Variants in ABHD18 observed in about 807,000 individuals in gnomAD.
ABHD18 encodes the protein cardiolipin-specific deacylase, mitochondrial.
A neutral mutation model predicts 65.9 loss-of-function variants in ABHD18; 55 were observed. The ratio of observed to expected loss-of-function variants is 0.84; its 90% confidence interval spans 0.67 to 1.05. The LOEUF (loss-of-function observed/expected upper bound fraction) is 1.05. Among genes scored for constraint, ABHD18 ranks in the 50% least tolerant of loss-of-function variants. The probability of loss-of-function intolerance (pLI) is 0.00; values close to 1 mark genes in which losing one functional copy is unlikely to be tolerated. For missense variants in ABHD18, 533 were observed against 558.5 expected (o/e 0.95, Z 0.46); for synonymous variants, 181 against 180.2 (o/e 1.00, Z -0.04).
In ABHD18 at chr4:127,965,502, T is replaced by G. The variant is rs1210766266; in HGVS notation, c.-122T>G. On this transcript the variant is annotated 5_prime_UTR_variant, in exon 1 of 13. Transcript: ENST00000645843. ...CGGTTCCTGGAAAGGTTACCGGAGC[T>G]GCGATTGGGGCTGGGACCAAAGTTG... 2 of 369,104 alleles carry G rather than the reference T, an allele frequency of 5.4e-6. No homozygotes were observed. The highest frequency in any genetic ancestry group is 4.0e-5 in the Admixed American group (1 of 24,838). 22.9% of individuals were successfully genotyped at this position (369,104 alleles called of 1,614,324 possible). A position where few individuals can be genotyped will look rare whatever the true frequency, so the allele number is the denominator to read the frequency against.
At chr4:127,970,361 G>A (rs905538512) in intron 1 of ABHD18, among the ~76,000 whole-genome samples, 10 of 151,996 alleles carry the variant, frequency 6.6e-5, no homozygotes, top group South Asian at 4.1e-4. Context: ...GGGAGGCCAA[G>A]ATGGGCAGAT....
At chr4:127,981,046 G>A (rs1560831561) in intron 1 of ABHD18, among the ~76,000 whole-genome samples, 1 of 152,026 alleles carries the variant, frequency 6.6e-6, no homozygotes, top group Non-Finnish European at 1.5e-5. Context: ...TTGGAACATA[G>A]TAATGGGTAG....
At chr4:127,988,216 G>A (rs1750322190) in intron 3 of ABHD18, among the ~76,000 whole-genome samples, 1 of 152,050 alleles carries the variant, frequency 6.6e-6, no homozygotes, top group East Asian at 1.9e-4. Context: ...AAAAATTTTT[G>A]GTTTTTTTGT....
At chr4:128,023,826 G>A (rs1310742761) in intron 10 of ABHD18, among the ~76,000 whole-genome samples, 1 of 152,222 alleles carries the variant, frequency 6.6e-6, no homozygotes, top group East Asian at 1.9e-4. Context: ...AGAGCTTGCA[G>A]TAAGCCAAGA....
chr4:128,017,669 T>A (rs1277402410), intron 8 of ABHD18, among the ~76,000 whole-genome samples, 168 bp downstream of exon 8: 1 of 152,182 alleles, frequency 6.6e-6, no homozygotes, highest in African/African-American at 2.4e-5. Context: ...TGATGTTAAT[T>A]TTTTGTACGA....
At chr4:127,969,751 T>A (rs970391926) in intron 1 of ABHD18, among the ~76,000 whole-genome samples, 1 of 147,250 alleles carries the variant, frequency 6.8e-6, no homozygotes, top group Non-Finnish European at 1.5e-5. Flanking sequence ...GTGTTGGAAT[T>A]TTTTTTTTTT....
rs1216873620 is a variant in ABHD18 at position 128,037,216 on chromosome 4, A to G, written c.*1403A>G. On this transcript the variant is annotated 3_prime_UTR_variant, in exon 13 of 13. Coordinates refer to ENST00000645843, the MANE Select transcript of ABHD18 (RefSeq NM_001358451.3). ...GAGGCTGAGGCAGGAGAATTGCTTG[A>G]ACCCGGGAGGCAGAAGTTGCAGTGA... 1.3e-5 allele frequency: 2 copies of G among 151,328 alleles called. No individual in the cohort carries two copies. Among genetic ancestry groups the G allele is most frequent in the African/African-American group, 4.9e-5 (2 of 41,178 alleles). 9.4% of individuals were successfully genotyped at this position (151,328 alleles called of 1,614,324 possible). A position where few individuals can be genotyped will look rare whatever the true frequency, so the allele number is the denominator to read the frequency against.
chr4:128,037,152 C>T lies in ABHD18; in HGVS notation c.*1339C>T, dbSNP rs1025879708. On this transcript the variant is annotated 3_prime_UTR_variant, in exon 13 of 13. Transcript: ENST00000645843. ...AAAAAAAAAAAAAAAAAAATTAAGC[C>T]GGGCATGGTGGCAGGCACCTGTAAT... 3 of 149,784 alleles carry T rather than the reference C, an allele frequency of 2.0e-5. No homozygotes were observed. The highest frequency in any genetic ancestry group is 4.4e-5 in the Non-Finnish European group (3 of 68,266). 9.3% of individuals were successfully genotyped at this position (149,784 alleles called of 1,614,324 possible).
chr4:128,020,146 A>G lies in ABHD18; in HGVS notation c.676A>G (p.Thr226Ala), dbSNP rs770677812. 3.1e-6 allele frequency: 5 copies of G among 1,613,410 alleles called. No homozygotes were observed. The highest frequency in any genetic ancestry group is 4.2e-6 in the Non-Finnish European group (5 of 1,179,514). Residue 226 changes from threonine to alanine, a missense_variant, in exon 9 of 13, where the codon ACA becomes GCA. By Grantham distance (58) the Thr-to-Ala change is moderately conservative (BLOSUM62 0). Coordinates refer to ENST00000645843, the MANE Select transcript of ABHD18 (RefSeq NM_001358451.3). ...ATTGATTCCATGCCTGTCTTGGTCC[A>G]CAGCATCTGGGGTCTTCACTACGGT... ...MPLIPCLSWS[T>A]ASGVFTTGVL...
intron 3 of ABHD18, 115 bp from the exon 4 acceptor site, chr4:127,989,606 G>C (rs1053822936): frequency 1.2e-5 from 7 of 580,432 alleles, no homozygotes; most frequent in Non-Finnish European, 2.9e-6. Context: ...AGTTTACATA[G>C]TAGGTGCTGA....
At chr4:128,004,740 G>A (rs1379559757) in intron 4 of ABHD18, among the ~76,000 whole-genome samples, 5 of 136,386 alleles carry the variant, frequency 3.7e-5, no homozygotes, top group Non-Finnish European at 7.9e-5. Flanking sequence ...GCGAAACCTC[G>A]TCTCTACTAA....
chr4:128,030,842 T>G, intron 12 of ABHD18, 170 bp downstream of exon 12: 1 of 1,365,710 alleles, frequency 7.3e-7, no homozygotes. Context: ...TTCCTAGAAT[T>G]TGATCTTCTT....
chr4:127,977,802 T>G (rs1748241537), intron 1 of ABHD18, among the ~76,000 whole-genome samples: 1 of 152,092 alleles, frequency 6.6e-6, no homozygotes, highest in Non-Finnish European at 1.5e-5. Flanking sequence ...GTAATAAGCA[T>G]CTAAGTAGAA....
Position 128,030,656 on chromosome 4 carries a change from A to T in ABHD18, c.1327A>T (p.Lys443Ter). The change falls in exon 12 of 13, where the codon AAA becomes TAA. Residue 443 changes from lysine to a stop codon, truncating the protein, a stop_gained. Coordinates refer to ENST00000645843, the MANE Select transcript of ABHD18 (RefSeq NM_001358451.3). LOFTEE classifies it high-confidence loss of function. The part of the protein sequence containing the change: ...EGGHISAYLF[K>*]QGLFRQAIYD... ...GGGTCATATTAGTGCTTATCTTTTTAAACAAGGACTCTTCAGGTAAGACGG... is the reference window on the plus strand; with the variant it reads ...GGGTCATATTAGTGCTTATCTTTTTTAACAAGGACTCTTCAGGTAAGACGG... The T allele has an allele frequency of 6.3e-7, 1 of 1,593,534 alleles. No individual in the cohort carries two copies. Among genetic ancestry groups the T allele is most frequent in the South Asian group, 1.2e-5 (1 of 86,418 alleles).
chr4:127,976,475 G>GA (rs1004998188), intron 1 of ABHD18, among the ~76,000 whole-genome samples: 1 of 151,946 alleles, frequency 6.6e-6, no homozygotes, highest in Admixed American at 6.6e-5. Flanking sequence ...TGAAAAAAAT[G>GA]AAAAAAATGT....
chr4:127,974,342 C>T (rs1372296794), intron 1 of ABHD18, among the ~76,000 whole-genome samples: 3 of 150,678 alleles, frequency 2.0e-5, no homozygotes, highest in Non-Finnish European at 3.0e-5. Flanking sequence ...GGACTACAGG[C>T]GCACACCACT....
intron 1 of ABHD18, among the ~76,000 whole-genome samples, chr4:127,967,891 T>A (rs991549425): frequency 1.3e-5 from 2 of 152,142 alleles, no homozygotes; most frequent in Non-Finnish European, 2.9e-5. Context: ...TTGGTGCATT[T>A]CCTTAGGTGA....
rs77913043 is a variant in ABHD18, at chr4:127,979,013, G to C, written c.-17-3926G>C. Among the ~76,000 whole-genome samples the C allele has an allele frequency of 1.2e-3, 186 of 152,286 alleles. 5 individuals are homozygous for C. The East Asian group carries it at 0.032, about 26-fold the overall frequency. ...AGTTGAAACATCAACTTTATGGTAA[G>C]TATGTAAGTCAAACTGTTTATTCAA... is the stretch of plus-strand genomic sequence containing the variant. On this transcript the variant is annotated intron_variant, in intron 1 of 12. Transcript: ENST00000645843.
At chr4:128,034,798 G>A (rs895429545) in intron 12 of ABHD18, among the ~76,000 whole-genome samples, 3 of 151,912 alleles carry the variant, frequency 2.0e-5, no homozygotes, top group Non-Finnish European at 4.4e-5. Context: ...TTATAGGCAT[G>A]TGCCACCACA....
Sources: gnomAD v4.1 joint callset for allele counts (sites outside exome capture counted in the v4.1 genomes callset) on GRCh38, gnomAD v4.1.1 for gene constraint, MANE v1.5 for transcripts, NCBI Gene and HGNC (gene_info 2026-07-23, HGNC 2026-07-21) for gene names.